The following CDYL variants were observed in gnomAD, a reference collection of about 807,000 sequenced individuals.
CDYL encodes the protein chromodomain Y-like protein.
A neutral mutation model predicts 47.3 loss-of-function variants in CDYL; 8 were observed. The observed-to-expected ratio is 0.17, with a 90% CI of 0.10 to 0.31. The LOEUF is 0.31. Among genes scored for constraint, CDYL ranks in the 10% least tolerant of loss-of-function variants. The pLI, the probability that CDYL is intolerant of heterozygous loss-of-function variation, is 1.00. For missense variants in CDYL, 471 were observed against 701.4 expected (o/e 0.67, Z 3.71); for synonymous variants, 266 against 265.0 (o/e 1.00, Z -0.04).
intron 2 of CDYL, among the ~76,000 whole-genome samples, chr6:4,725,086 C>G (rs957111206): frequency 1.7e-4 from 26 of 152,168 alleles, no homozygotes; most frequent in Admixed American, 6.5e-4. Context: ...TAGCTAGACA[C>G]AGAGTGTCGA....
chr6:4,883,143 T>C (rs62386614), intron 1 of CDYL, among the ~76,000 whole-genome samples: 12,483 of 152,092 alleles, frequency 0.082, 633 homozygotes, highest in South Asian at 0.14. Flanking sequence ...CAGGTGAAAA[T>C]AGCTCCCGAA....
chr6:4,934,487 G>A (rs1758127982), intron 2 of CDYL, among the ~76,000 whole-genome samples: 1 of 152,074 alleles, frequency 6.6e-6, no homozygotes, highest in South Asian at 2.1e-4. Flanking sequence ...CACTTTGGAG[G>A]AAATATTTCT....
chr6:4,946,031 T>C (rs1581288976), intron 5 of CDYL, among the ~76,000 whole-genome samples: 1 of 152,198 alleles, frequency 6.6e-6, no homozygotes, highest in Admixed American at 6.5e-5. Context: ...CGGGCCTCCC[T>C]GGGAATGGTG....
At chr6:4,839,768 A>G (rs942047280) in intron 1 of CDYL, among the ~76,000 whole-genome samples, 5 of 152,020 alleles carry the variant, frequency 3.3e-5, no homozygotes, top group African/African-American at 1.2e-4. Flanking sequence ...ATTCTGTTCC[A>G]TTGGTCTATG....
intron 2 of CDYL, among the ~76,000 whole-genome samples, chr6:4,929,712 T>C (rs901513057): frequency 1.3e-5 from 2 of 152,222 alleles, no homozygotes; most frequent in Non-Finnish European, 2.9e-5. Context: ...TTATTCCTAG[T>C]CTTTCATTTC....
At chr6:4,708,403 G>T (rs1757086192) in intron 1 of CDYL, among the ~76,000 whole-genome samples, 1 of 152,042 alleles carries the variant, frequency 6.6e-6, no homozygotes, top group African/African-American at 2.4e-5. Context: ...CAAGTGATCT[G>T]CCCACCTTGT....
chr6:4,831,413 G>A (rs1254849880), intron 1 of CDYL, among the ~76,000 whole-genome samples: 1 of 152,036 alleles, frequency 6.6e-6, no homozygotes, highest in Admixed American at 6.6e-5. Context: ...ATTTCTGAGA[G>A]CTCTGTTCTG....
intron 1 of CDYL, among the ~76,000 whole-genome samples, chr6:4,816,715 C>T (rs1759688513): frequency 6.6e-6 from 1 of 151,980 alleles, no homozygotes; most frequent in African/African-American, 2.4e-5. Context: ...TCTTGAACTC[C>T]TGAGCTCAAG....
Position 4,776,773 on chromosome 6 carries a change from C to T in CDYL, c.-11C>T. ...ACCCTGCCCCTCCCGCCCGCAACTCCGCCGCCCACCATGGCTTCCGAGGAG... is the reference window on the plus strand; with the variant it reads ...ACCCTGCCCCTCCCGCCCGCAACTCTGCCGCCCACCATGGCTTCCGAGGAG... On this transcript the variant is annotated 5_prime_UTR_variant, in exon 1 of 7. Coordinates refer to ENST00000397588, the MANE Select transcript of CDYL (RefSeq NM_004824.4). 8.3e-7 allele frequency: 1 copy of T among 1,206,636 alleles called. No homozygotes were observed. The allele number at this position is 1,206,636 out of a possible 1,614,324, so 74.7% of individuals were successfully genotyped here.
In CDYL at chr6:4,912,621, G is replaced by A. The variant is rs577433058; in HGVS notation, c.691+20242G>A. 2.4e-4 allele frequency among the ~76,000 whole-genome samples: 36 copies of A among 152,338 alleles called. No homozygotes were observed. In the South Asian group the frequency reaches 6.6e-3, roughly 28 times the overall value. ...CTTCTCAGTCCATTTTCAGATATTT[G>A]TGAGAGAATATCTGAAACTACGTAA... On this transcript the variant is annotated intron_variant, in intron 2 of 6. Transcript: ENST00000397588.
At chr6:4,889,156 A>C (rs1364558993) in intron 1 of CDYL, among the ~76,000 whole-genome samples, 3 of 151,912 alleles carry the variant, frequency 2.0e-5, no homozygotes, top group Non-Finnish European at 4.4e-5. Context: ...TTGCTCCTTC[A>C]CAGTCTGATG....
At chr6:4,794,490 G>T (rs1759015457) in intron 1 of CDYL, among the ~76,000 whole-genome samples, 1 of 152,162 alleles carries the variant, frequency 6.6e-6, no homozygotes, top group Admixed American at 6.5e-5. Context: ...TTCATGGAAA[G>T]AGAACTGGGA....
intron 1 of CDYL, among the ~76,000 whole-genome samples, chr6:4,806,084 C>G (rs920369329): frequency 6.6e-6 from 1 of 152,226 alleles, no homozygotes; most frequent in Non-Finnish European, 1.5e-5. Flanking sequence ...GTGTACATGC[C>G]GCAGGGACGC....
At chr6:4,862,593 CTG>C (rs1296796273) in intron 1 of CDYL, among the ~76,000 whole-genome samples, 2 of 152,188 alleles carry the variant, frequency 1.3e-5, no homozygotes, top group Non-Finnish European at 2.9e-5. Context: ...CCTTTGGGGG[CTG>C]TTAAGTTAAT....
intron 2 of CDYL, among the ~76,000 whole-genome samples, chr6:4,729,335 A>G (rs1056777701): frequency 3.9e-5 from 6 of 152,096 alleles, no homozygotes; most frequent in African/African-American, 1.4e-4. Context: ...TTTTCTCTGA[A>G]ACTTTGCGTG....
At chr6:4,887,992 T>C (rs1402723180) in intron 1 of CDYL, among the ~76,000 whole-genome samples, 1 of 152,070 alleles carries the variant, frequency 6.6e-6, no homozygotes, top group Non-Finnish European at 1.5e-5. Context: ...ATGTGGCATA[T>C]GAATGTTAAT....
intron 1 of CDYL, among the ~76,000 whole-genome samples, chr6:4,829,145 G>C (rs184909037): frequency 2.0e-5 from 3 of 151,802 alleles, no homozygotes; most frequent in Non-Finnish European, 2.9e-5. Flanking sequence ...TGCTTTGTGG[G>C]GTTTTTGTTG....
At position 4,935,545 on chromosome 6, in the gene CDYL, C is replaced by T. The variant is rs373375953; in HGVS notation, c.722C>T (p.Ala241Val). Residue 241 changes from alanine (A) to valine (V), a missense_variant, in exon 3 of 7, where the codon GCC (alanine) becomes GTC (valine). By Grantham distance (64) the Ala-to-Val change is moderately conservative. This residue lies in a region of CDYL where 311 missense variants were observed against 350.0 expected (regional missense o/e 0.89). Transcript: ENST00000397588. ...TCTCCGTTCATGGATGCATTAACAG[C>T]CAATGGGACAACCAACATACAGACA... Reference protein sequence around the residue: ...GTSPFMDALTANGTTNIQTSV... With the variant: ...GTSPFMDALTVNGTTNIQTSV... The T allele has an allele frequency of 1.2e-6, 2 of 1,614,204 alleles. No homozygotes were observed. The highest frequency in any genetic ancestry group is 1.7e-6 in the Non-Finnish European group (2 of 1,180,036).
intron 1 of CDYL, among the ~76,000 whole-genome samples, chr6:4,833,928 A>T (rs535153245): frequency 3.3e-5 from 5 of 151,706 alleles, no homozygotes; most frequent in African/African-American, 9.7e-5. Flanking sequence ...TTTGCTTGGT[A>T]GATCTTCCTC....
Sources: gnomAD v4.1 joint callset for allele counts (sites outside exome capture counted in the v4.1 genomes callset) on GRCh38, gnomAD v4.1.1 for gene constraint, gnomAD v4.1.1 regional missense constraint, MANE v1.5 for transcripts, NCBI Gene and HGNC (gene_info 2026-07-23, HGNC 2026-07-21) for gene names.